The following RANBP17 variants were observed in gnomAD, a reference collection of about 807,000 sequenced individuals.
RANBP17 encodes ran-binding protein 17.
RANBP17 carries 158 observed loss-of-function variants against 141.2 expected under a neutral mutation model. That is an observed-to-expected ratio of 1.12 (90% CI 0.98 to 1.28). The LOEUF (loss-of-function observed/expected upper bound fraction) is 1.28. RANBP17 is among the 50% of genes most tolerant of loss of function. The pLI is 0.00. For synonymous variants in RANBP17, 430 were observed against 450.0 expected (o/e 0.96, Z 0.56); for missense variants, 1,438 against 1,290.7 (o/e 1.11, Z -1.75).
chr5:170,958,760 A>G (rs533452360), intron 13 of RANBP17, among the ~76,000 whole-genome samples: 208 of 152,308 alleles, frequency 1.4e-3, no homozygotes, highest in African/African-American at 4.9e-3. Context: ...AGCTCCTAAC[A>G]TTGTGATGAT....
chr5:170,909,576 TC>T lies in RANBP17; in HGVS notation c.490-83del, dbSNP rs996115510. ...AACTTGGGTTCTACTCAAGTTTATT[TC>T]CTTTTTTTTTTTTTTTTTTTTAGTA... On this transcript the variant is annotated intron_variant, in intron 5 of 27. Transcript: ENST00000523189. The T allele has an allele frequency of 2.6e-5, 16 of 614,254 alleles. No individual in the cohort carries two copies. The Admixed American group carries it at 2.9e-4, about 11-fold the overall frequency. 38.1% of individuals were successfully genotyped at this position (614,254 alleles called of 1,614,324 possible).
At chr5:170,969,024 A>C (rs1428678750) in intron 14 of RANBP17, among the ~76,000 whole-genome samples, 1 of 151,806 alleles carries the variant, frequency 6.6e-6, no homozygotes, top group Non-Finnish European at 1.5e-5. Context: ...TTCTCATTTC[A>C]TTTGAACTTA....
chr5:170,884,998 T>A (rs1266597560), intron 3 of RANBP17, among the ~76,000 whole-genome samples: 1 of 152,164 alleles, frequency 6.6e-6, no homozygotes, highest in Non-Finnish European at 1.5e-5. Flanking sequence ...TGTAGGAAAC[T>A]TTGATCTTTT....
chr5:171,047,621 G>T (rs1356130255), intron 14 of RANBP17, among the ~76,000 whole-genome samples: 1 of 151,694 alleles, frequency 6.6e-6, no homozygotes, highest in Non-Finnish European at 1.5e-5. Flanking sequence ...TGTATTTTTA[G>T]TAGAGACAGG....
intron 22 of RANBP17, among the ~76,000 whole-genome samples, chr5:171,237,943 G>C (rs1383617405): frequency 6.6e-6 from 1 of 152,144 alleles, no homozygotes; most frequent in East Asian, 1.9e-4. Context: ...TCAGCTTTTT[G>C]AGGGCAGGAT....
chr5:171,259,936 G>A (rs571287684), intron 24 of RANBP17, among the ~76,000 whole-genome samples: 22 of 151,192 alleles, frequency 1.5e-4, no homozygotes, highest in African/African-American at 4.9e-4. Context: ...AACCGAGATT[G>A]CGCCACTGCA....
At chr5:171,175,962 C>T (rs1035554147) in intron 16 of RANBP17, among the ~76,000 whole-genome samples, 2 of 152,054 alleles carry the variant, frequency 1.3e-5, no homozygotes, top group African/African-American at 4.8e-5. Flanking sequence ...ATTTCAAGAC[C>T]TCAACAGCAA....
intron 14 of RANBP17, among the ~76,000 whole-genome samples, chr5:170,976,192 T>G (rs189469796): frequency 6.6e-6 from 1 of 152,300 alleles, no homozygotes; most frequent in African/African-American, 2.4e-5. Context: ...TGAATTTCTG[T>G]GCACTTGCAA....
intron 14 of RANBP17, among the ~76,000 whole-genome samples, chr5:171,120,210 G>C (rs1165345663): frequency 5.3e-5 from 8 of 152,138 alleles, no homozygotes; most frequent in Non-Finnish European, 1.5e-5. Flanking sequence ...CTGGGAGTGT[G>C]GTGATTCAAG....
At chr5:171,040,161 G>A (rs1413744689) in intron 14 of RANBP17, among the ~76,000 whole-genome samples, 3 of 152,088 alleles carry the variant, frequency 2.0e-5, no homozygotes, top group South Asian at 2.1e-4. Flanking sequence ...ATATCAAAAC[G>A]TTAGTTCACC....
intron 14 of RANBP17, among the ~76,000 whole-genome samples, chr5:171,147,711 G>T (rs1758158516): frequency 6.6e-6 from 1 of 152,126 alleles, no homozygotes; most frequent in African/African-American, 2.4e-5. Context: ...ACCGCACCTG[G>T]CCATAATCAT....
rs1352596083 is a variant in RANBP17 at position 171,299,389 on chromosome 5, G to A, written c.*531G>A. 2.2e-5 allele frequency: 5 copies of A among 231,604 alleles called. No homozygotes were observed. Among genetic ancestry groups the A allele is most frequent in the African/African-American group, 6.6e-5 (3 of 45,240 alleles). The allele number at this position is 231,604 out of a possible 1,614,324, so 14.3% of individuals were successfully genotyped here. A position where few individuals can be genotyped will look rare whatever the true frequency, so the allele number is the denominator to read the frequency against. Reference sequence around the variant, plus strand: ...TACAGAGCATCCCACAGGACCACACGCAGGCCTCCCTGCCTCAGCTGCATC... The same window carrying A: ...TACAGAGCATCCCACAGGACCACACACAGGCCTCCCTGCCTCAGCTGCATC... On this transcript the variant is annotated 3_prime_UTR_variant, in exon 28 of 28. Transcript: ENST00000523189.
intron 14 of RANBP17, among the ~76,000 whole-genome samples, chr5:171,014,966 A>G (rs1346151775): frequency 6.6e-6 from 1 of 152,076 alleles, no homozygotes; most frequent in Non-Finnish European, 1.5e-5. Context: ...CCCTTTCAAT[A>G]CATTAAAGAA....
At position 171,183,199 on chromosome 5, in the gene RANBP17, A is replaced by G; in HGVS notation, c.1898A>G (p.Asp633Gly). Residue 633 changes from aspartate to glycine, a missense_variant, in exon 17 of 28, where the codon GAT (aspartate) becomes GGT (glycine). Physicochemically the swap from Asp to Gly is moderately conservative, Grantham distance 94. Coordinates refer to ENST00000523189, the MANE Select transcript of RANBP17 (RefSeq NM_022897.5). Reference protein sequence around the residue: ...YILLKKLVKIDAVKFMLKNHT... With the variant: ...YILLKKLVKIGAVKFMLKNHT... ...CTTTTAAAAAAACTTGTGAAGATAG[A>G]TGCTGTGAAATTCATGCTAAAAAAC... 1.3e-6 allele frequency: 2 copies of G among 1,582,770 alleles called. No homozygotes were observed. The highest frequency in any genetic ancestry group is 1.7e-6 in the Non-Finnish European group (2 of 1,151,614).
At chr5:170,912,225 C>A (rs1283585427) in intron 7 of RANBP17, among the ~76,000 whole-genome samples, 1 of 150,690 alleles carries the variant, frequency 6.6e-6, no homozygotes, top group Admixed American at 6.6e-5. Flanking sequence ...TAAAAAATTT[C>A]ACAGACTGAA....
chr5:171,041,540 C>T (rs1782249656), intron 14 of RANBP17, among the ~76,000 whole-genome samples: 1 of 151,986 alleles, frequency 6.6e-6, no homozygotes, highest in South Asian at 2.1e-4. Flanking sequence ...GTTGTGGAAA[C>T]GTCAGGAACT....
rs1030945054 is a variant in RANBP17, at chr5:171,191,326, G to A, written c.2038+7896G>A. ...TATAGTTTATAAACCACTTTCATAG[G>A]CATTTATCCTTTTTGATCCGCCTGC... On this transcript the variant is annotated intron_variant, in intron 18 of 27. Coordinates refer to ENST00000523189, the MANE Select transcript of RANBP17 (RefSeq NM_022897.5). Among the ~76,000 whole-genome samples the A allele has an allele frequency of 1.1e-3, 166 of 145,532 alleles. 2 individuals carry two copies. Among genetic ancestry groups the A allele is most frequent in the Non-Finnish European group, 9.0e-5 (6 of 66,320 alleles).
chr5:170,989,097 T>C (rs1778340932), intron 14 of RANBP17, among the ~76,000 whole-genome samples: 1 of 151,890 alleles, frequency 6.6e-6, no homozygotes, highest in Non-Finnish European at 1.5e-5. Flanking sequence ...TATGTTCACC[T>C]GTAATGGTGG....
In RANBP17 at chr5:171,253,127, A is replaced by C. The variant is rs1367154196; in HGVS notation, c.2776+10307A>C. 4 of 601,574 alleles carry C rather than the reference A, an allele frequency of 6.6e-6. No individual in the cohort carries two copies. In the Admixed American group the frequency reaches 8.7e-5, roughly 13 times the overall value. The allele number at this position is 601,574 out of a possible 1,614,324, so 37.3% of individuals were successfully genotyped here. On this transcript the variant is annotated intron_variant, in intron 24 of 27. Transcript: ENST00000523189. ...TAGCACACTTTGCACACGATAAAGC[A>C]AAGACGATGGATTGACAAGCCCTTC...
Sources: allele counts gnomAD v4.1 joint callset (sites outside exome capture counted in the v4.1 genomes callset), GRCh38; gene constraint gnomAD v4.1.1; transcripts MANE v1.5; gene names NCBI Gene and HGNC (gene_info 2026-07-23, HGNC 2026-07-21).